The following ADGRB3 variants were observed in gnomAD, a reference collection of about 807,000 sequenced individuals.
The protein encoded by ADGRB3 is brain-specific angiogenesis inhibitor 3.
ADGRB3 carries 37 observed loss-of-function variants against 193.4 expected under a neutral mutation model. The observed-to-expected ratio is 0.19, with a 90% CI of 0.15 to 0.25. ADGRB3 has a LOEUF of 0.25. Among genes scored for constraint, ADGRB3 ranks in the 10% least tolerant of loss-of-function variants. The pLI is 1.00. For synonymous variants in ADGRB3, 690 were observed against 644.2 expected, an observed-to-expected ratio of 1.07 and a Z score of -1.08; for missense variants, 1,637 against 1,852.9, an observed-to-expected ratio of 0.88 and a Z score of 2.14.
chr6:68,774,951 G>C (rs73745860), intron 3 of ADGRB3, among the ~76,000 whole-genome samples: 4,011 of 152,078 alleles, frequency 0.026, 82 homozygotes, highest in African/African-American at 0.051. Context: ...TTTGGAAGGA[G>C]GAGTTCTGGA....
chr6:69,169,660 C>T (rs1345202037), intron 17 of ADGRB3, among the ~76,000 whole-genome samples: 2 of 151,688 alleles, frequency 1.3e-5, no homozygotes, highest in Non-Finnish European at 2.9e-5. Flanking sequence ...CAAATTGAAT[C>T]TGTTGAAGAT....
intron 3 of ADGRB3, among the ~76,000 whole-genome samples, chr6:68,869,464 C>G (rs772927347): frequency 1.1e-4 from 16 of 151,876 alleles, no homozygotes; most frequent in Non-Finnish European, 1.0e-4. Context: ...GACAGAAAAA[C>G]CTAGGAGAGA....
intron 8 of ADGRB3, among the ~76,000 whole-genome samples, chr6:68,968,212 C>A (rs1768440367): frequency 6.6e-6 from 1 of 152,242 alleles, no homozygotes; most frequent in African/African-American, 2.4e-5. Flanking sequence ...GCAGCCGGCC[C>A]AGTAAACATT....
At chr6:69,040,695 A>AC (rs1562133491) in intron 13 of ADGRB3, among the ~76,000 whole-genome samples, 1 of 145,900 alleles carries the variant, frequency 6.9e-6, no homozygotes, top group African/African-American at 2.5e-5. Context: ...AAAAAAAAAA[A>AC]AAAAAAAAAA....
At chr6:68,959,214 A>G (rs1289742515) in intron 8 of ADGRB3, among the ~76,000 whole-genome samples, 1 of 152,114 alleles carries the variant, frequency 6.6e-6, no homozygotes, top group Non-Finnish European at 1.5e-5. Context: ...AATGTGTATT[A>G]CTGTTGTGAT....
chr6:69,343,196 T>TA (rs1769017259), intron 26 of ADGRB3, among the ~76,000 whole-genome samples: 1 of 151,638 alleles, frequency 6.6e-6, no homozygotes, highest in Non-Finnish European at 1.5e-5. Context: ...TTTTTTTTTT[T>TA]ATTATACTTT....
At chr6:69,302,062 C>G (rs780472329) in intron 20 of ADGRB3, among the ~76,000 whole-genome samples, 1 of 151,786 alleles carries the variant, frequency 6.6e-6, no homozygotes, top group Non-Finnish European at 1.5e-5. Flanking sequence ...CAAGAGGCAG[C>G]AAACAAGCTT....
intron 3 of ADGRB3, among the ~76,000 whole-genome samples, chr6:68,862,355 A>G (rs1466158556): frequency 4.6e-5 from 7 of 152,082 alleles, no homozygotes; most frequent in Non-Finnish European, 1.0e-4. Context: ...TCTGCAATCT[A>G]TCTGACCTAC....
intron 17 of ADGRB3, among the ~76,000 whole-genome samples, chr6:69,118,540 GTA>G (rs1561924488): frequency 6.6e-6 from 1 of 152,036 alleles, no homozygotes; most frequent in Non-Finnish European, 1.5e-5. Context: ...TCAAGTAAGT[GTA>G]TATGATTGGT....
intron 12 of ADGRB3, among the ~76,000 whole-genome samples, chr6:69,015,837 C>T (rs1177175927): frequency 2.0e-5 from 3 of 151,464 alleles, no homozygotes; most frequent in African/African-American, 7.3e-5. Context: ...ATGTAGTCTA[C>T]TAAAGTTAAA....
chr6:68,757,601 T>A (rs1398190326), intron 3 of ADGRB3, among the ~76,000 whole-genome samples: 1 of 152,140 alleles, frequency 6.6e-6, no homozygotes, highest in East Asian at 1.9e-4. Flanking sequence ...GTCCCTTCAT[T>A]TCCTATGTCT....
chr6:68,805,826 G>A (rs1034982343), intron 3 of ADGRB3, among the ~76,000 whole-genome samples: 1 of 152,154 alleles, frequency 6.6e-6, no homozygotes, highest in Non-Finnish European at 1.5e-5. Flanking sequence ...TATTTCCTAT[G>A]TAGTTTTAGG....
At chr6:69,280,508 C>T (rs190874705) in intron 20 of ADGRB3, among the ~76,000 whole-genome samples, 67 of 152,078 alleles carry the variant, frequency 4.4e-4, no homozygotes, top group African/African-American at 1.6e-3. Flanking sequence ...TCTCTGTGCC[C>T]CATTAGACTT....
intron 3 of ADGRB3, among the ~76,000 whole-genome samples, chr6:68,833,581 A>G (rs1767994328): frequency 9.2e-6 from 1 of 108,176 alleles, no homozygotes; most frequent in Non-Finnish European, 2.0e-5. Context: ...ATATTAAAGA[A>G]TGAAGTATTT....
rs1220108567 is a variant in ADGRB3 at position 69,269,481 on chromosome 6, ATTAG to A, written c.2814+30259_2814+30262del. The stretch of plus-strand genomic sequence containing the variant: ...TTGTGCTTGTAGTTGCATGTTCAAA[ATTAG>A]TTATACTTCAAGTAGTTCCCTTTAA... On this transcript the variant is annotated intron_variant, in intron 20 of 31. Coordinates refer to ENST00000370598, the MANE Select transcript of ADGRB3 (RefSeq NM_001704.3). 1.1e-4 allele frequency among the ~76,000 whole-genome samples: 16 copies of A among 152,320 alleles called. No homozygotes were observed. In the East Asian group the frequency reaches 2.5e-3, roughly 24 times the overall value.
intron 10 of ADGRB3, among the ~76,000 whole-genome samples, chr6:68,988,359 G>A (rs141110122): frequency 2.0e-4 from 31 of 152,192 alleles, no homozygotes; most frequent in African/African-American, 7.5e-4. Flanking sequence ...AGAGGATTTT[G>A]GGAGAGCATT....
At chr6:69,144,072 T>C (rs56199922) in intron 17 of ADGRB3, among the ~76,000 whole-genome samples, 18,734 of 152,228 alleles carry the variant, frequency 0.12, 1,228 homozygotes, top group Middle Eastern at 0.29. Flanking sequence ...CAATGTTTTA[T>C]AGTTTTCATT....
intron 3 of ADGRB3, among the ~76,000 whole-genome samples, chr6:68,807,079 A>C (rs1485019304): frequency 6.6e-6 from 1 of 152,162 alleles, no homozygotes; most frequent in African/African-American, 2.4e-5. Context: ...ACTTATTTGC[A>C]TGAATTACCG....
At chr6:69,219,961 A>G (rs1345350597) in intron 17 of ADGRB3, among the ~76,000 whole-genome samples, 2 of 152,082 alleles carry the variant, frequency 1.3e-5, no homozygotes, top group East Asian at 1.9e-4. Flanking sequence ...GTGATGCTAT[A>G]TTAATTATGA....
Sources: allele counts gnomAD v4.1 joint callset (sites outside exome capture counted in the v4.1 genomes callset), GRCh38; gene constraint gnomAD v4.1.1; transcripts MANE v1.5; gene names NCBI Gene and HGNC (gene_info 2026-07-23, HGNC 2026-07-21).